The following MAP2 variants were observed in gnomAD, a reference collection of about 807,000 sequenced individuals.
MAP2 encodes microtubule-associated protein 2.
A neutral mutation model predicts 137.6 loss-of-function variants in MAP2; 14 were observed. The ratio of observed to expected loss-of-function variants is 0.10; its 90% CI spans 0.07 to 0.16. The LOEUF is 0.16. Ranked by LOEUF, MAP2 falls within the 10% of genes least tolerant of loss-of-function variation. The pLI, the probability that MAP2 is intolerant of heterozygous loss-of-function variation, is 1.00. For missense variants in MAP2, 2,088 were observed against 2,191.5 expected (o/e 0.95, Z 0.94); for synonymous variants, 786 against 782.3 (o/e 1.00, Z -0.08).
chr2:209,534,418 A>T (rs1177365577), intron 2 of MAP2, among the ~76,000 whole-genome samples: 1 of 152,068 alleles, frequency 6.6e-6, no homozygotes, highest in Non-Finnish European at 1.5e-5. Context: ...TCTGTGATTT[A>T]GTCATTTGCC....
At chr2:209,489,169 C>A (rs780580036) in intron 1 of MAP2, among the ~76,000 whole-genome samples, 1 of 152,152 alleles carries the variant, frequency 6.6e-6, no homozygotes, top group Non-Finnish European at 1.5e-5. Context: ...AGACCTCCAG[C>A]AAACTCCAGC....
chr2:209,518,412 G>T (rs947132140), intron 2 of MAP2, among the ~76,000 whole-genome samples: 1 of 151,976 alleles, frequency 6.6e-6, no homozygotes, highest in East Asian at 1.9e-4. Context: ...AATTTATATA[G>T]CCACAATAGA....
chr2:209,596,125 AAAG>A (rs1451976006), intron 3 of MAP2, among the ~76,000 whole-genome samples: 1 of 152,224 alleles, frequency 6.6e-6, no homozygotes, highest in Non-Finnish European at 1.5e-5. Flanking sequence ...GAAAGAAAAA[AAAG>A]AAAATAAAAA....
chr2:209,655,913 T>C (rs1442128451), intron 5 of MAP2, among the ~76,000 whole-genome samples: 1 of 152,242 alleles, frequency 6.6e-6, no homozygotes, highest in Non-Finnish European at 1.5e-5. Context: ...TTTCCGTTTT[T>C]GCTATAGTCC....
At chr2:209,438,986 C>T (rs1468785697) in intron 1 of MAP2, among the ~76,000 whole-genome samples, 1 of 151,290 alleles carries the variant, frequency 6.6e-6, no homozygotes, top group Non-Finnish European at 1.5e-5. Context: ...TTTCATTTTG[C>T]TCTTAAAAAT....
chr2:209,701,399 A>G (rs1293025344), intron 11 of MAP2, among the ~76,000 whole-genome samples: 2 of 151,872 alleles, frequency 1.3e-5, no homozygotes. Context: ...TTTAATGACC[A>G]AAGCCAACAT....
intron 1 of MAP2, among the ~76,000 whole-genome samples, chr2:209,478,574 A>G (rs550808959): frequency 2.6e-5 from 4 of 152,342 alleles, no homozygotes; most frequent in African/African-American, 7.2e-5. Flanking sequence ...ATGGACACCC[A>G]GCACATCACA....
intron 2 of MAP2, among the ~76,000 whole-genome samples, chr2:209,536,609 G>A (rs1195474318): frequency 2.6e-5 from 4 of 152,126 alleles, no homozygotes; most frequent in African/African-American, 4.8e-5. Context: ...TCCAGAGTCC[G>A]GTGAACAGAA....
intron 2 of MAP2, among the ~76,000 whole-genome samples, chr2:209,563,785 T>A (rs2072752520): frequency 6.6e-6 from 1 of 152,250 alleles, no homozygotes; most frequent in African/African-American, 2.4e-5. Context: ...TACTTTCATC[T>A]GAAACAGACA....
intron 1 of MAP2, among the ~76,000 whole-genome samples, chr2:209,471,178 G>A (rs1705623079): frequency 1.3e-5 from 2 of 152,048 alleles, no homozygotes; most frequent in African/African-American, 4.8e-5. Context: ...AAGGCAACAT[G>A]CATTTTCTTC....
At chr2:209,578,944 T>C (rs990278263) in intron 2 of MAP2, among the ~76,000 whole-genome samples, 1 of 152,034 alleles carries the variant, frequency 6.6e-6, no homozygotes, top group African/African-American at 2.4e-5. Context: ...TTTTTTTTCT[T>C]TTTCTCTTGT....
intron 2 of MAP2, among the ~76,000 whole-genome samples, chr2:209,552,516 A>G (rs561816453): frequency 6.6e-6 from 1 of 152,314 alleles, no homozygotes; most frequent in Non-Finnish European, 1.5e-5. Context: ...CATCTCCCAT[A>G]TAGTCTCTTC....
rs147042067 is a variant in MAP2, at chr2:209,695,002, A to T, written c.2832A>T (p.Ser944=). Residue 944 remains serine, a synonymous_variant, in exon 8 of 16, where the codon TCA becomes TCT. Coordinates refer to ENST00000682079, the MANE Select transcript of MAP2 (RefSeq NM_001375505.1). ...EASAHISGDK[S]GLSKEFDQEK... ...CCGCGCATATCTCTGGTGACAAATCAGGACTGAGTAAGGAGTTTGACCAAG... is the reference window on the plus strand; with the variant it reads ...CCGCGCATATCTCTGGTGACAAATCTGGACTGAGTAAGGAGTTTGACCAAG... 34 of 1,614,222 alleles carry T rather than the reference A, an allele frequency of 2.1e-5. No homozygotes were observed. The highest frequency in any genetic ancestry group is 2.5e-5 in the Non-Finnish European group (30 of 1,180,036).
intron 1 of MAP2, among the ~76,000 whole-genome samples, chr2:209,460,247 T>C (rs1157432299): frequency 6.6e-6 from 1 of 152,230 alleles, no homozygotes. Context: ...GATGAAGAAA[T>C]TGGCCATCGT....
intron 11 of MAP2, among the ~76,000 whole-genome samples, chr2:209,700,896 ATGTACT>A (rs773726838): frequency 5.9e-5 from 9 of 152,132 alleles, no homozygotes; most frequent in Admixed American, 6.5e-5. Context: ...TCAACAGTAA[ATGTACT>A]TCCATGTCGT....
At chr2:209,679,723 T>A (rs2053715124) in intron 6 of MAP2, among the ~76,000 whole-genome samples, 3 of 152,112 alleles carry the variant, frequency 2.0e-5, no homozygotes, top group African/African-American at 7.2e-5. Context: ...TTAAGGACTA[T>A]TTTTCTCTTA....
rs288092 is a variant in MAP2, at chr2:209,540,171, A to G, written c.-172+32530A>G. On this transcript the variant is annotated intron_variant, in intron 2 of 15. Coordinates refer to ENST00000682079, the MANE Select transcript of MAP2 (RefSeq NM_001375505.1). ...ATTTGGCCCAGAATCTGTTATTGTG[A>G]GCTTGAATTTAGATAAAATAGAAAT... Among the ~76,000 whole-genome samples, 1,256 of 148,128 alleles carry G rather than the reference A, an allele frequency of 8.5e-3. 18 individuals carry two copies. The highest frequency in any genetic ancestry group is 0.029 in the African/African-American group (1,173 of 40,552).
At chr2:209,459,508 T>C (rs1702272898) in intron 1 of MAP2, among the ~76,000 whole-genome samples, 1 of 152,184 alleles carries the variant, frequency 6.6e-6, no homozygotes. Flanking sequence ...AAAACAACTC[T>C]AAGTCTGTCT....
chr2:209,594,312 C>T (rs1212693387), intron 3 of MAP2, among the ~76,000 whole-genome samples: 1 of 151,936 alleles, frequency 6.6e-6, no homozygotes, highest in Non-Finnish European at 1.5e-5. Context: ...AAGACTAGTT[C>T]TTATTTTGAA....
Sources: allele counts gnomAD v4.1 joint callset (sites outside exome capture counted in the v4.1 genomes callset), GRCh38; gene constraint gnomAD v4.1.1; transcripts MANE v1.5; gene names NCBI Gene and HGNC (gene_info 2026-07-23, HGNC 2026-07-21).